The following MAML3 variants were observed in gnomAD, a reference collection of about 807,000 sequenced individuals.
MAML3 encodes mastermind-like protein 3.
In MAML3, 27 loss-of-function variants were observed where a neutral mutation model predicts 101.9. That is an observed-to-expected ratio of 0.27 (90% CI 0.20 to 0.37). MAML3 has a LOEUF of 0.37. Among genes scored for constraint, MAML3 ranks in the 10% least tolerant of loss-of-function variants. The probability of loss-of-function intolerance (pLI) is 1.00; values close to 1 mark genes in which losing one functional copy is unlikely to be tolerated. For synonymous variants in MAML3, 501 were observed against 555.9 expected, an observed-to-expected ratio of 0.90 and a Z score of 1.39; for missense variants, 1,316 against 1,444.9, an observed-to-expected ratio of 0.91 and a Z score of 1.45.
At chr4:139,836,947 A>AC (rs1731264376) in intron 2 of MAML3, among the ~76,000 whole-genome samples, 1 of 150,972 alleles carries the variant, frequency 6.6e-6, no homozygotes, top group Non-Finnish European at 1.5e-5. Flanking sequence ...ACATGGAGAA[A>AC]CCCCATCTCT....
chr4:139,857,336 G>C (rs1257020639), intron 2 of MAML3, among the ~76,000 whole-genome samples: 1 of 152,160 alleles, frequency 6.6e-6, no homozygotes, highest in Non-Finnish European at 1.5e-5. Context: ...GAGGGCGCTT[G>C]CTCCAGAACA....
intron 2 of MAML3, among the ~76,000 whole-genome samples, chr4:139,792,626 C>T (rs1171010174): frequency 6.6e-6 from 1 of 152,186 alleles, no homozygotes; most frequent in Non-Finnish European, 1.5e-5. Flanking sequence ...AAGTGTGGAA[C>T]TAAGCCAAAA....
intron 1 of MAML3, among the ~76,000 whole-genome samples, chr4:139,922,271 T>C (rs1733143829): frequency 1.3e-5 from 2 of 152,156 alleles, no homozygotes; most frequent in African/African-American, 4.8e-5. Flanking sequence ...ACCATCCTTC[T>C]TAACACCCTC....
At chr4:140,053,382 T>C (rs1403666624) in intron 1 of MAML3, among the ~76,000 whole-genome samples, 1 of 152,182 alleles carries the variant, frequency 6.6e-6, no homozygotes, top group Non-Finnish European at 1.5e-5. Flanking sequence ...GGCTTTCCCA[T>C]TCCCATCCGA....
chr4:140,016,087 A>G (rs1427185699), intron 1 of MAML3, among the ~76,000 whole-genome samples: 1 of 152,228 alleles, frequency 6.6e-6, no homozygotes, highest in Non-Finnish European at 1.5e-5. Context: ...TGAGTCCAGC[A>G]AGATAACAGG....
At chr4:139,965,963 C>T (rs1170057568) in intron 1 of MAML3, among the ~76,000 whole-genome samples, 6 of 152,200 alleles carry the variant, frequency 3.9e-5, no homozygotes, top group African/African-American at 1.4e-4. Flanking sequence ...TGGTGAAAAA[C>T]TATCTGGCCA....
chr4:140,141,996 C>T (rs1244152172), intron 1 of MAML3, among the ~76,000 whole-genome samples: 2 of 152,082 alleles, frequency 1.3e-5, no homozygotes, highest in Non-Finnish European at 2.9e-5. Context: ...ATGTTCATTA[C>T]AGAAACATTT....
chr4:139,872,490 C>T (rs1175550812), intron 2 of MAML3, among the ~76,000 whole-genome samples: 1 of 152,164 alleles, frequency 6.6e-6, no homozygotes, highest in East Asian at 1.9e-4. Flanking sequence ...AGCTTTGGCC[C>T]CTGAAATACT....
intron 1 of MAML3, among the ~76,000 whole-genome samples, chr4:139,974,979 C>T (rs1302491195): frequency 2.0e-5 from 3 of 151,902 alleles, no homozygotes; most frequent in African/African-American, 7.3e-5. Flanking sequence ...GTATTTGTCT[C>T]TGTGGATAAA....
At position 139,720,174 on chromosome 4, in the gene MAML3, T is replaced by A; in HGVS notation, c.2566A>T (p.Met856Leu). The change falls in exon 5 of 5, where the codon ATG (methionine) becomes TTG (leucine). Residue 856 changes from methionine to leucine, a missense_variant. By Grantham distance (15) the Met-to-Leu change is conservative. Coordinates refer to ENST00000509479, the MANE Select transcript of MAML3 (RefSeq NM_018717.5). ...TMATAAAQSE[M>L]GLAPYSTTPT... ...GTGGTGCTATAAGGGGCCAGTCCCA[T>A]CTCCGACTGCGCAGCTGCGGTGGCC... 1 of 1,614,038 alleles carries A rather than the reference T, an allele frequency of 6.2e-7. No individual in the cohort carries two copies. Among genetic ancestry groups the A allele is most frequent in the Non-Finnish European group, 8.5e-7 (1 of 1,179,898 alleles).
At chr4:139,790,586 C>T (rs1730391724) in intron 2 of MAML3, among the ~76,000 whole-genome samples, 1 of 152,070 alleles carries the variant, frequency 6.6e-6, no homozygotes, top group African/African-American at 2.4e-5. Context: ...CTCTATTCTA[C>T]TTTGTCTTAT....
chr4:139,768,222 TTGTGTGTGTGTGTGTG>T (rs34182828), intron 2 of MAML3, among the ~76,000 whole-genome samples: 19 of 136,438 alleles, frequency 1.4e-4, no homozygotes, highest in South Asian at 7.7e-4. Context: ...CTGTTGATAG[TTGTGTGTGTGTGTGTG>T]TGTGTGTGTG....
intron 1 of MAML3, among the ~76,000 whole-genome samples, chr4:140,075,005 A>T (rs776656284): frequency 2.6e-5 from 4 of 152,208 alleles, no homozygotes; most frequent in Non-Finnish European, 5.9e-5. Flanking sequence ...AAATATCCAA[A>T]ATCTAAAACA....
At chr4:139,869,646 C>T (rs148008189) in intron 2 of MAML3, among the ~76,000 whole-genome samples, 5 of 152,260 alleles carry the variant, frequency 3.3e-5, no homozygotes, top group Admixed American at 3.3e-4. Context: ...CCACCCCACC[C>T]CCGCGGCCAA....
chr4:139,964,581 T>TA (rs1232578793), intron 1 of MAML3, among the ~76,000 whole-genome samples: 30 of 151,968 alleles, frequency 2.0e-4, no homozygotes, highest in South Asian at 4.2e-4. Flanking sequence ...AAACAAAAAT[T>TA]AAAAAAAACC....
chr4:140,000,046 A>G (rs1734894667), intron 1 of MAML3, among the ~76,000 whole-genome samples: 3 of 152,210 alleles, frequency 2.0e-5, no homozygotes, highest in South Asian at 4.1e-4. Flanking sequence ...CTCTCCCCCA[A>G]AACATCCAAT....
At chr4:139,977,879 A>G (rs1348391185) in intron 1 of MAML3, among the ~76,000 whole-genome samples, 1 of 146,082 alleles carries the variant, frequency 6.8e-6, no homozygotes, top group African/African-American at 2.8e-5. Flanking sequence ...TAACAAAAAA[A>G]CAAAAAACAA....
intron 1 of MAML3, among the ~76,000 whole-genome samples, chr4:140,091,532 C>CAAAAAAAAAAA (rs1218380120): frequency 8.3e-5 from 1 of 12,080 alleles, no homozygotes; most frequent in Non-Finnish European, 4.8e-4. Flanking sequence ...AACAAAACAA[C>CAAAAAAAAAAA]AAAACAAAAA....
At chr4:140,066,253 T>C (rs1352152997) in intron 1 of MAML3, among the ~76,000 whole-genome samples, 1 of 152,254 alleles carries the variant, frequency 6.6e-6, no homozygotes, top group African/African-American at 2.4e-5. Context: ...ATAATCACTC[T>C]AGCCTTGGCT....
Sources: allele counts gnomAD v4.1 joint callset (sites outside exome capture counted in the v4.1 genomes callset), GRCh38; gene constraint gnomAD v4.1.1; transcripts MANE v1.5; gene names NCBI Gene and HGNC (gene_info 2026-07-23, HGNC 2026-07-21).